TGFA: variants seen among roughly 807,000 people sequenced by gnomAD.
The protein encoded by TGFA is protransforming growth factor alpha.
Under a neutral mutation model 21.7 loss-of-function variants are expected in TGFA, and 12 were observed. That is an observed-to-expected ratio of 0.55 (90% CI 0.35 to 0.90). The LOEUF is 0.90. Ranked by LOEUF, TGFA falls within the 40% of genes least tolerant of loss-of-function variation. The pLI is 0.01. For synonymous variants in TGFA, 79 were observed against 88.1 expected (o/e 0.90, Z 0.58); for missense variants, 178 against 210.8 (o/e 0.84, Z 0.96).
rs1670269913 is a variant in TGFA at position 70,457,469 on chromosome 2, A to G, written c.216-981T>C. ...ACACTGGTCCCTTTGTTACTTCGTT[A>G]CTCCCTTTGTATAGAGTAACATTCT... On this transcript the variant is annotated intron_variant, in intron 3 of 5. Transcript: ENST00000295400. Among the ~76,000 whole-genome samples, 3 of 151,240 alleles carry G rather than the reference A, an allele frequency of 2.0e-5. No individual in the cohort carries two copies. In the South Asian group the frequency reaches 6.3e-4, roughly 32 times the overall value.
chr2:70,515,893 C>G (rs1672260704), intron 1 of TGFA, among the ~76,000 whole-genome samples: 1 of 152,168 alleles, frequency 6.6e-6, no homozygotes, highest in African/African-American at 2.4e-5. Context: ...CTACAAGACG[C>G]AAATTTAAAG....
At chr2:70,456,861 G>GT (rs11368468) in intron 3 of TGFA, among the ~76,000 whole-genome samples, 98,275 of 152,052 alleles carry the variant, frequency 0.65, 33,084 homozygotes, top group African/African-American at 0.84. Flanking sequence ...AACCAAATGT[G>GT]GTTTTCAGAC....
chr2:70,553,459 C>G (rs1026273411), intron 1 of TGFA: 179 of 1,411,108 alleles, frequency 1.3e-4, no homozygotes, highest in Middle Eastern at 5.2e-4. Context: ...AGTTCAAGCC[C>G]GTTCACACTC....
intron 2 of TGFA, among the ~76,000 whole-genome samples, chr2:70,500,112 A>G (rs1439561150): frequency 5.9e-5 from 9 of 152,194 alleles, no homozygotes; most frequent in African/African-American, 1.9e-4. Flanking sequence ...TCTATTTTCA[A>G]CACATCTCCA....
At chr2:70,480,584 T>C (rs1671084452) in intron 2 of TGFA, among the ~76,000 whole-genome samples, 1 of 152,162 alleles carries the variant, frequency 6.6e-6, no homozygotes, top group Non-Finnish European at 1.5e-5. Flanking sequence ...GGACGTTTTC[T>C]ACATTATATG....
chr2:70,553,610 C>T, intron 1 of TGFA, 118 bp downstream of exon 1: 1 of 1,316,222 alleles, frequency 7.6e-7, no homozygotes. Context: ...ATTGAGACTA[C>T]TCGCTTCTCT....
chr2:70,539,748 G>A (rs1316050830), intron 1 of TGFA, among the ~76,000 whole-genome samples: 1 of 152,130 alleles, frequency 6.6e-6, no homozygotes, highest in Non-Finnish European at 1.5e-5. Flanking sequence ...AGACACCACA[G>A]CCAGACAACC....
intron 2 of TGFA, among the ~76,000 whole-genome samples, chr2:70,473,004 A>G (rs1259958010): frequency 6.6e-6 from 1 of 152,216 alleles, no homozygotes; most frequent in Non-Finnish European, 1.5e-5. Flanking sequence ...AAAAGGCAGT[A>G]GATTAATTTA....
rs188493468 is a variant in TGFA, at chr2:70,515,718, T to C, written c.41-806A>G. ...TCCAGAATGGGGACAGCTGCCACCA[T>C]GCCGTACCCTGAGATGCCATGTACT... On this transcript the variant is annotated intron_variant, in intron 1 of 5. Coordinates refer to ENST00000295400, the MANE Select transcript of TGFA (RefSeq NM_003236.4). Among the ~76,000 whole-genome samples the C allele has an allele frequency of 2.0e-5, 3 of 152,222 alleles. No individual in the cohort carries two copies. The East Asian group carries it at 5.8e-4, about 29-fold the overall frequency.
intron 1 of TGFA, among the ~76,000 whole-genome samples, chr2:70,542,466 G>A (rs1673161987): frequency 6.6e-6 from 1 of 152,090 alleles, no homozygotes; most frequent in Non-Finnish European, 1.5e-5. Flanking sequence ...CTGAAGATAC[G>A]GTCTCATTGT....
At chr2:70,453,146 C>A in intron 5 of TGFA, 72 bp downstream of exon 5, 1 of 1,343,466 alleles carries the variant, frequency 7.4e-7, no homozygotes, top group South Asian at 1.2e-5. Context: ...CCAGGAACTT[C>A]TGCCCTGACT....
chr2:70,551,304 C>T (rs1673498587), intron 1 of TGFA, among the ~76,000 whole-genome samples: 1 of 152,176 alleles, frequency 6.6e-6, no homozygotes, highest in South Asian at 2.1e-4. Context: ...GTGATGGAAA[C>T]CTGACATGGG....
intron 1 of TGFA, among the ~76,000 whole-genome samples, chr2:70,516,876 C>G (rs199690423): frequency 1.3e-5 from 2 of 152,042 alleles, no homozygotes; most frequent in Non-Finnish European, 1.5e-5. Context: ...CAAACTGCCC[C>G]GAACTAAAGA....
rs1333164267 is a variant in TGFA at position 70,449,544 on chromosome 2, G to T, written c.*1315C>A. 1 of 212,302 alleles carries T rather than the reference G, an allele frequency of 4.7e-6. No individual in the cohort carries two copies. The highest frequency in any genetic ancestry group is 1.4e-4 in the East Asian group (1 of 7,364). 13.2% of individuals were successfully genotyped at this position (212,302 alleles called of 1,614,324 possible). On this transcript the variant is annotated 3_prime_UTR_variant, in exon 6 of 6. Coordinates refer to ENST00000295400, the MANE Select transcript of TGFA (RefSeq NM_003236.4). ...GACCCAGATGCTCAGGGGAACAATT[G>T]CTCCTTCTCTTGAGGGGAAAGGAAG...
chr2:70,541,585 G>C (rs782299265), intron 1 of TGFA, among the ~76,000 whole-genome samples: 24 of 152,180 alleles, frequency 1.6e-4, no homozygotes, highest in Non-Finnish European at 1.9e-4. Context: ...GGAGTGTGTC[G>C]TGAAGAGCTC....
chr2:70,477,008 A>T (rs1349425328), intron 2 of TGFA, among the ~76,000 whole-genome samples: 1 of 152,226 alleles, frequency 6.6e-6, no homozygotes, highest in African/African-American at 2.4e-5. Flanking sequence ...TAAATTTTCG[A>T]ATTTCATGAA....
intron 2 of TGFA, among the ~76,000 whole-genome samples, chr2:70,491,997 G>T (rs1671452196): frequency 6.6e-6 from 1 of 152,144 alleles, no homozygotes; most frequent in South Asian, 2.1e-4. Context: ...CCTTGTGCAG[G>T]AATACTTGGC....
intron 1 of TGFA, among the ~76,000 whole-genome samples, chr2:70,520,752 G>T (rs544517904): frequency 3.3e-5 from 5 of 152,062 alleles, no homozygotes; most frequent in Non-Finnish European, 7.4e-5. Context: ...GCACCGGACC[G>T]ACCCTATATT....
intron 3 of TGFA, among the ~76,000 whole-genome samples, chr2:70,463,709 G>A (rs1353876000): frequency 6.6e-6 from 1 of 152,116 alleles, no homozygotes; most frequent in East Asian, 1.9e-4. Context: ...ATTCTGGGCC[G>A]AGCCCTGGAC....
Sources: gnomAD v4.1 joint callset for allele counts (sites outside exome capture counted in the v4.1 genomes callset) on GRCh38, gnomAD v4.1.1 for gene constraint, MANE v1.5 for transcripts, NCBI Gene and HGNC (gene_info 2026-07-23, HGNC 2026-07-21) for gene names.